Variants in NSUN4 observed in about 807,000 individuals in gnomAD.
NSUN4 encodes 5-cytosine rRNA methyltransferase NSUN4.
A neutral mutation model predicts 43.8 loss-of-function variants in NSUN4; 31 were observed. The ratio of observed to expected loss-of-function variants is 0.71; its 90% CI spans 0.53 to 0.96. NSUN4 has a LOEUF of 0.96. Among genes scored for constraint, NSUN4 ranks in the 40% least tolerant of loss-of-function variants. NSUN4 has a pLI of 0.00. For missense variants in NSUN4, 439 were observed against 475.6 expected, an observed-to-expected ratio of 0.92 and a Z score of 0.72; for synonymous variants, 167 against 184.1, an observed-to-expected ratio of 0.91 and a Z score of 0.75.
At position 46,340,894 on chromosome 1, in the gene NSUN4, G is replaced by A. The variant is rs1168858127; in HGVS notation, c.68G>A (p.Arg23Gln). ...CGTGTGGACCTCGCGACGGTCCCGC[G>A]GAGACATCGATATAAGAAGAAATGG... ...LKRVDLATVPRRHRYKKKWAA... is the reference protein window; with the variant it reads ...LKRVDLATVPQRHRYKKKWAA... Residue 23 changes from arginine to glutamine, a missense_variant, in exon 1 of 6, where the codon CGG becomes CAG. Coordinates refer to ENST00000474844, the MANE Select transcript of NSUN4 (RefSeq NM_199044.4). 6.2e-7 allele frequency: 1 copy of A among 1,613,538 alleles called. No homozygotes were observed. The highest frequency in any genetic ancestry group is 8.5e-7 in the Non-Finnish European group (1 of 1,179,760).
chr1:46,353,778 G>T (rs1302223326), intron 4 of NSUN4, among the ~76,000 whole-genome samples: 1 of 142,352 alleles, frequency 7.0e-6, no homozygotes, highest in Non-Finnish European at 1.6e-5. Context: ...CGCCCAGCCG[G>T]TAGTATATTA....
At chr1:46,367,667 C>T (rs1415973486), downstream of NSUN4, among the ~76,000 whole-genome samples, 4 of 151,902 alleles carry the variant, frequency 2.6e-5, no homozygotes, top group African/African-American at 9.7e-5. Context: ...GCAGCAAATC[C>T]AGAGTCAGCT....
At chr1:46,349,523 CT>C (rs1376610603) in intron 3 of NSUN4, among the ~76,000 whole-genome samples, 2 of 152,192 alleles carry the variant, frequency 1.3e-5, no homozygotes, top group Non-Finnish European at 2.9e-5. Context: ...CCTTTGGCCC[CT>C]GACAAAGGGC....
rs1375827769 is a variant in NSUN4, at chr1:46,340,840, C to T, written c.14C>T (p.Thr5Ile). ...GAGCACGCCGATATGGCTGCGCTGA[C>T]ACTGAGGGGTGTCCGGGAGCTGCTG... MAALTLRGVRELLKR... is the reference protein window; with the variant it reads MAALILRGVRELLKR... Residue 5 changes from threonine (T) to isoleucine (I), a missense_variant, in exon 1 of 6, where the codon ACA (threonine) becomes ATA (isoleucine). By Grantham distance (89) the Thr-to-Ile change is moderately conservative (BLOSUM62 -1). Transcript: ENST00000474844. 1.9e-6 allele frequency: 3 copies of T among 1,611,872 alleles called. No homozygotes were observed. The highest frequency in any genetic ancestry group is 2.5e-6 in the Non-Finnish European group (3 of 1,179,118).
chr1:46,341,557 G>T, intron 1 of NSUN4: 1 of 1,148,506 alleles, frequency 8.7e-7, no homozygotes, highest in Non-Finnish European at 1.1e-6. Flanking sequence ...CCTTTTTCTT[G>T]CCTCACTGGA....
downstream of NSUN4, among the ~76,000 whole-genome samples, chr1:46,370,065 A>G (rs932756891): frequency 5.9e-5 from 9 of 152,170 alleles, no homozygotes; most frequent in African/African-American, 2.2e-4. Context: ...CCATATTTTG[A>G]GGTGACACTT....
chr1:46,378,300 G>A, the NSUN4 span, among the ~76,000 whole-genome samples: 81 of 151,852 alleles, frequency 5.3e-4, 1 homozygote, highest in African/African-American at 1.9e-3. Flanking sequence ...CTGGTTCAAG[G>A]GATCCTCCTG....
intron 1 of NSUN4, chr1:46,341,166 C>G: frequency 3.1e-6 from 4 of 1,286,180 alleles, no homozygotes; most frequent in Non-Finnish European, 3.9e-6. Context: ...TCACCTTCGC[C>G]TTCATTCTTT....
chr1:46,341,716 C>T lies in NSUN4; in HGVS notation c.93+797C>T, dbSNP rs1662120236. ...TCCTCTTCCCCACTCCTGGAAAGGA[C>T]CTACTGCCGCTAGCCCTGCCACTCG... On this transcript the variant is annotated intron_variant, in intron 1 of 5. Transcript: ENST00000474844. The T allele has an allele frequency of 4.1e-6, 5 of 1,230,912 alleles. No homozygotes were observed. The South Asian group carries it at 1.7e-4, about 42-fold the overall frequency. 76.2% of individuals were successfully genotyped at this position (1,230,912 alleles called of 1,614,324 possible). A position where few individuals can be genotyped will look rare whatever the true frequency, so the allele number is the denominator to read the frequency against.
At chr1:46,341,702 A>C (rs1037722004) in intron 1 of NSUN4, 2 of 1,225,840 alleles carry the variant, frequency 1.6e-6, no homozygotes, top group African/African-American at 1.6e-5. Context: ...CCTCTTCCCC[A>C]CTCCTGGAAA....
intron 3 of NSUN4, among the ~76,000 whole-genome samples, 178 bp from the exon 4 acceptor site, chr1:46,352,690 T>C (rs1663088243): frequency 6.6e-6 from 1 of 152,200 alleles, no homozygotes; most frequent in African/African-American, 2.4e-5. Context: ...CATTTAGGTG[T>C]TTGCCATTGT....
At chr1:46,360,006 G>C (rs1663702586) in intron 4 of NSUN4, among the ~76,000 whole-genome samples, 1 of 151,016 alleles carries the variant, frequency 6.6e-6, no homozygotes, top group Non-Finnish European at 1.5e-5. Context: ...AAGGCGGGCA[G>C]ATCATGAGGT....
chr1:46,354,110 GTT>G (rs56407189), intron 4 of NSUN4, among the ~76,000 whole-genome samples: 33,806 of 147,672 alleles, frequency 0.23, 4,183 homozygotes, highest in Non-Finnish European at 0.29. Flanking sequence ...TTTTTTTAAA[GTT>G]TTTTTTTTTT....
At chr1:46,355,672 A>T (rs1037590758) in intron 4 of NSUN4, among the ~76,000 whole-genome samples, 1 of 152,136 alleles carries the variant, frequency 6.6e-6, no homozygotes, top group African/African-American at 2.4e-5. Context: ...CTGCTATTTC[A>T]CTTGACAGCT....
chr1:46,382,749 A>C, the NSUN4 span, among the ~76,000 whole-genome samples: 8 of 152,070 alleles, frequency 5.3e-5, no homozygotes, highest in African/African-American at 2.4e-5. Context: ...TTACAGGCAC[A>C]AGCCAAAATG....
chr1:46,367,804 C>T (rs1664170135), downstream of NSUN4, among the ~76,000 whole-genome samples: 1 of 146,508 alleles, frequency 6.8e-6, no homozygotes, highest in African/African-American at 2.5e-5. Context: ...GTCTGGCTCT[C>T]ACCAGGGTGG....
chr1:46,366,513 T>A (rs937286638), downstream of NSUN4, among the ~76,000 whole-genome samples: 1 of 151,714 alleles, frequency 6.6e-6, no homozygotes, highest in Admixed American at 6.6e-5. Context: ...AAACAAAGAT[T>A]ATGATTAATT....
At chr1:46,343,196 C>T (rs1557736097) in intron 1 of NSUN4, 3 of 398,246 alleles carry the variant, frequency 7.5e-6, no homozygotes, top group Non-Finnish European at 4.4e-6. Flanking sequence ...GCCCCCCTCC[C>T]ATTGTGCCCC....
chr1:46,350,508 A>G (rs867440381), intron 3 of NSUN4, among the ~76,000 whole-genome samples: 6 of 152,366 alleles, frequency 3.9e-5, no homozygotes, highest in African/African-American at 1.2e-4. Flanking sequence ...CTCAGAGGCC[A>G]GGTATCAAGT....
Sources: allele counts gnomAD v4.1 joint callset (sites outside exome capture counted in the v4.1 genomes callset), GRCh38; gene constraint gnomAD v4.1.1; transcripts MANE v1.5; gene names NCBI Gene and HGNC (gene_info 2026-07-23, HGNC 2026-07-21).